Variants in PDZRN3 observed in about 807,000 individuals in gnomAD.
PDZRN3 encodes PDZ domain containing ring finger 3.
A neutral mutation model predicts 85.7 loss-of-function variants in PDZRN3; 38 were observed. The ratio of observed to expected loss-of-function variants is 0.44; its 90% CI spans 0.34 to 0.58. The LOEUF (loss-of-function observed/expected upper bound fraction) is 0.58, where lower values mean the gene tolerates loss of function less well. PDZRN3 is among the 20% of genes least tolerant of loss of function. The pLI, the probability that PDZRN3 is intolerant of heterozygous loss-of-function variation, is 0.01. For synonymous variants in PDZRN3, 759 were observed against 638.0 expected (o/e 1.19, Z -2.86); for missense variants, 1,629 against 1,506.4 (o/e 1.08, Z -1.35).
intron 3 of PDZRN3, among the ~76,000 whole-genome samples, chr3:73,569,727 C>G (rs1397522556): frequency 1.3e-5 from 2 of 152,178 alleles, no homozygotes; most frequent in Non-Finnish European, 2.9e-5. Context: ...TACCCCTGGC[C>G]AAAGGTCCAG....
chr3:73,474,415 T>G, intron 3 of PDZRN3: 3 of 1,124,438 alleles, frequency 2.7e-6, no homozygotes, highest in Non-Finnish European at 3.5e-6. Flanking sequence ...ATCTTATAAT[T>G]ATCTTATTCA....
intron 3 of PDZRN3, among the ~76,000 whole-genome samples, chr3:73,547,672 C>T (rs955266285): frequency 6.6e-6 from 1 of 152,210 alleles, no homozygotes; most frequent in Non-Finnish European, 1.5e-5. Flanking sequence ...AGCCCAAACT[C>T]ACTGTCACGT....
intron 3 of PDZRN3, among the ~76,000 whole-genome samples, chr3:73,564,056 C>T (rs759123161): frequency 6.6e-6 from 1 of 152,196 alleles, no homozygotes; most frequent in Non-Finnish European, 1.5e-5. Context: ...GAGGCTGTGC[C>T]TATTCTGCCC....
At chr3:73,546,929 G>A (rs573737818) in intron 3 of PDZRN3, among the ~76,000 whole-genome samples, 1 of 152,022 alleles carries the variant, frequency 6.6e-6, no homozygotes, top group South Asian at 2.1e-4. Context: ...TTCAGCAGCT[G>A]GAAGATGAGG....
chr3:73,414,729 C>T (rs1702041626), intron 3 of PDZRN3, among the ~76,000 whole-genome samples: 1 of 152,158 alleles, frequency 6.6e-6, no homozygotes, highest in African/African-American at 2.4e-5. Context: ...TTTTGTTTTC[C>T]TATAACAGTA....
intron 3 of PDZRN3, among the ~76,000 whole-genome samples, chr3:73,424,725 G>T (rs1702277170): frequency 6.6e-6 from 1 of 151,962 alleles, no homozygotes; most frequent in Admixed American, 6.6e-5. Context: ...GCAAAAAGTT[G>T]GAGCAGGCAC....
chr3:73,426,025 T>C (rs1467797116), intron 3 of PDZRN3, among the ~76,000 whole-genome samples: 1 of 152,168 alleles, frequency 6.6e-6, no homozygotes, highest in Non-Finnish European at 1.5e-5. Context: ...TCATTCACAT[T>C]ATTGGAAATT....
intron 3 of PDZRN3, among the ~76,000 whole-genome samples, chr3:73,410,443 GTTC>G (rs1701943390): frequency 1.3e-5 from 2 of 152,178 alleles, no homozygotes; most frequent in African/African-American, 2.4e-5. Context: ...GATGTGTTGG[GTTC>G]TAGTTGGGAC....
At chr3:73,521,791 T>C (rs904181446) in intron 3 of PDZRN3, among the ~76,000 whole-genome samples, 7 of 152,218 alleles carry the variant, frequency 4.6e-5, no homozygotes, top group South Asian at 4.1e-4. Flanking sequence ...CCTGCCCAAA[T>C]TGGGGCTGTC....
intron 4 of PDZRN3, among the ~76,000 whole-genome samples, chr3:73,402,089 C>T (rs1163183536): frequency 6.6e-6 from 1 of 152,164 alleles, no homozygotes; most frequent in African/African-American, 2.4e-5. Flanking sequence ...CATTCAGTCC[C>T]GACACACGCT....
At chr3:73,412,476 G>A (rs1701993744) in intron 3 of PDZRN3, among the ~76,000 whole-genome samples, 2 of 152,168 alleles carry the variant, frequency 1.3e-5, no homozygotes, top group Admixed American at 1.3e-4. Context: ...TCTATTTTGT[G>A]TCACCATAGT....
At chr3:73,457,789 C>T (rs949544487) in intron 3 of PDZRN3, among the ~76,000 whole-genome samples, 15 of 152,286 alleles carry the variant, frequency 9.8e-5, no homozygotes, top group African/African-American at 3.4e-4. Context: ...AGAAAGCACC[C>T]TTGCCCTTCC....
intron 4 of PDZRN3, 150 bp from the exon 5 acceptor site, chr3:73,401,159 G>C: frequency 1.6e-6 from 1 of 615,020 alleles, no homozygotes; most frequent in Non-Finnish European, 3.0e-6. Context: ...CTCTCAGCAC[G>C]GTCAGGACCT....
intron 3 of PDZRN3, among the ~76,000 whole-genome samples, chr3:73,433,029 C>G (rs1048801922): frequency 3.9e-5 from 6 of 152,290 alleles, no homozygotes; most frequent in African/African-American, 1.4e-4. Context: ...TCATGTTGCT[C>G]ACAATGACTC....
At chr3:73,547,953 T>G (rs1256687454) in intron 3 of PDZRN3, among the ~76,000 whole-genome samples, 2 of 152,204 alleles carry the variant, frequency 1.3e-5, no homozygotes, top group African/African-American at 4.8e-5. Context: ...CAAAACTACA[T>G]TTTGATGAGC....
At chr3:73,590,995 G>A (rs767217712) in intron 3 of PDZRN3, among the ~76,000 whole-genome samples, 1 of 152,142 alleles carries the variant, frequency 6.6e-6, no homozygotes, top group Admixed American at 6.5e-5. Flanking sequence ...GCCATTATAT[G>A]CATTCCTGAA....
chr3:73,442,902 T>G (rs760364750), intron 3 of PDZRN3, among the ~76,000 whole-genome samples: 2 of 152,144 alleles, frequency 1.3e-5, no homozygotes, highest in Non-Finnish European at 1.5e-5. Context: ...CCCTGTGGTG[T>G]TGTTTATAAA....
At chr3:73,397,638 G>C (rs1701666728) in intron 5 of PDZRN3, among the ~76,000 whole-genome samples, 1 of 152,254 alleles carries the variant, frequency 6.6e-6, no homozygotes, top group Non-Finnish European at 1.5e-5. Flanking sequence ...CTCTAGTGGA[G>C]AGACCCTTCT....
chr3:73,405,898 C>T (rs1425488005), intron 3 of PDZRN3, among the ~76,000 whole-genome samples: 5 of 151,986 alleles, frequency 3.3e-5, no homozygotes, highest in Non-Finnish European at 7.4e-5. Context: ...TCTTTTTTTC[C>T]CCCAAACCCT....
Sources: gnomAD v4.1 joint callset for allele counts (sites outside exome capture counted in the v4.1 genomes callset) on GRCh38, gnomAD v4.1.1 for gene constraint, MANE v1.5 for transcripts, NCBI Gene and HGNC (gene_info 2026-07-23, HGNC 2026-07-21) for gene names.